GPD1L: variants seen among roughly 807,000 people sequenced by gnomAD.
GPD1L encodes the protein glycerol-3-phosphate dehydrogenase 1-like protein.
GPD1L carries 17 observed loss-of-function variants against 32.9 expected under a neutral mutation model. The observed-to-expected ratio is 0.52, with a 90% CI of 0.35 to 0.78. The LOEUF (loss-of-function observed/expected upper bound fraction) is 0.78. Among genes scored for constraint, GPD1L ranks in the 30% least tolerant of loss-of-function variants. GPD1L has a pLI of 0.01. For synonymous variants in GPD1L, 187 were observed against 165.9 expected (o/e 1.13, Z -0.98); for missense variants, 361 against 447.8 (o/e 0.81, Z 1.75).
At chr3:32,144,271 T>C (rs537317253) in intron 4 of GPD1L, among the ~76,000 whole-genome samples, 4 of 152,284 alleles carry the variant, frequency 2.6e-5, no homozygotes, top group African/African-American at 9.6e-5. Context: ...GCTTCAGGCC[T>C]CAAAATCCTG....
At chr3:32,156,154 G>T (rs1233228690) in intron 5 of GPD1L, among the ~76,000 whole-genome samples, 7 of 152,146 alleles carry the variant, frequency 4.6e-5, no homozygotes, top group African/African-American at 1.4e-4. Flanking sequence ...CACGGCTTCT[G>T]CCTTGCCTCT....
At chr3:32,141,492 T>G (rs946301660) in intron 4 of GPD1L, among the ~76,000 whole-genome samples, 1 of 152,208 alleles carries the variant, frequency 6.6e-6, no homozygotes, top group African/African-American at 2.4e-5. Flanking sequence ...TCTGTTAACA[T>G]ACTGTACATC....
intron 5 of GPD1L, 105 bp downstream of exon 5, chr3:32,146,839 G>C: frequency 1.3e-6 from 1 of 775,570 alleles, no homozygotes; most frequent in Non-Finnish European, 2.3e-6. Context: ...CCACATCAGC[G>C]AAGAATAGTG....
At chr3:32,142,511 T>C (rs961553181) in intron 4 of GPD1L, among the ~76,000 whole-genome samples, 3 of 152,268 alleles carry the variant, frequency 2.0e-5, no homozygotes, top group African/African-American at 7.2e-5. Context: ...TATGTACATA[T>C]ATGAATATGT....
intron 1 of GPD1L, among the ~76,000 whole-genome samples, chr3:32,126,416 T>C (rs1484688759): frequency 6.6e-6 from 1 of 152,162 alleles, no homozygotes; most frequent in African/African-American, 2.4e-5. Context: ...TGTCTCATAG[T>C]CCCTCGTCAG....
intron 1 of GPD1L, among the ~76,000 whole-genome samples, chr3:32,113,123 T>C (rs1193187083): frequency 1.3e-5 from 2 of 151,276 alleles, no homozygotes; most frequent in Admixed American, 1.3e-4. Context: ...GCCTTAAAAA[T>C]CATCTCATTC....
intron 5 of GPD1L, 95 bp downstream of exon 5, chr3:32,146,829 C>G (rs561829568): frequency 2.5e-6 from 2 of 794,446 alleles, no homozygotes; most frequent in Non-Finnish European, 4.5e-6. Context: ...TTCTGTGCAC[C>G]CACATCAGCG....
chr3:32,115,301 G>C (rs763945937), intron 1 of GPD1L, among the ~76,000 whole-genome samples: 29 of 152,084 alleles, frequency 1.9e-4, no homozygotes, highest in Admixed American at 5.9e-4. Context: ...CCAGAGTACT[G>C]ATTGGTGCAT....
At chr3:32,145,203 C>G in intron 4 of GPD1L, among the ~76,000 whole-genome samples, 1 of 151,966 alleles carries the variant, frequency 6.6e-6, no homozygotes, top group Non-Finnish European at 1.5e-5. Context: ...CCTATAGTTG[C>G]AGCTACTCAG....
At chr3:32,146,876 T>G in intron 5 of GPD1L, 142 bp downstream of exon 5, 1 of 704,748 alleles carries the variant, frequency 1.4e-6, no homozygotes, top group Non-Finnish European at 2.6e-6. Flanking sequence ...TATAACTTCC[T>G]GTTTTGCTGC....
At chr3:32,128,348 T>G in intron 2 of GPD1L, 95 bp downstream of exon 2, 1 of 982,546 alleles carries the variant, frequency 1.0e-6, no homozygotes, top group South Asian at 1.3e-5. Context: ...GCTGCTTCCC[T>G]TTTCCCCAGT....
intron 2 of GPD1L, among the ~76,000 whole-genome samples, chr3:32,135,146 G>C (rs1342464858): frequency 6.6e-6 from 1 of 152,200 alleles, no homozygotes; most frequent in Non-Finnish European, 1.5e-5. Flanking sequence ...TGCCCCAAAG[G>C]GGGAAAGGGA....
intron 4 of GPD1L, among the ~76,000 whole-genome samples, chr3:32,146,088 T>C (rs1469437698): frequency 1.8e-4 from 9 of 50,888 alleles, no homozygotes; most frequent in Admixed American, 5.0e-4. Flanking sequence ...TTTTTCTTTT[T>C]TTTTTTTTTT....
intron 1 of GPD1L, among the ~76,000 whole-genome samples, chr3:32,125,996 G>A (rs1243239987): frequency 6.6e-6 from 1 of 152,176 alleles, no homozygotes; most frequent in Non-Finnish European, 1.5e-5. Context: ...GACATGGTCT[G>A]GAGGGCTTAG....
intron 3 of GPD1L, among the ~76,000 whole-genome samples, 186 bp from the exon 4 acceptor site, chr3:32,140,042 C>T (rs964733382): frequency 5.3e-5 from 8 of 152,170 alleles, no homozygotes; most frequent in Non-Finnish European, 1.0e-4. Context: ...TTTCTTAACA[C>T]GAGTGATGAG....
intron 4 of GPD1L, among the ~76,000 whole-genome samples, chr3:32,144,847 A>T (rs1229106835): frequency 1.3e-5 from 2 of 151,332 alleles, no homozygotes; most frequent in Admixed American, 6.6e-5. Context: ...ACACACACAC[A>T]CACACACCAC....
At chr3:32,142,035 A>G (rs1238250763) in intron 4 of GPD1L, among the ~76,000 whole-genome samples, 1 of 152,162 alleles carries the variant, frequency 6.6e-6, no homozygotes, top group Non-Finnish European at 1.5e-5. Context: ...TGTAAGTGAG[A>G]ACATGCAGTA....
chr3:32,152,484 G>A (rs1451438067), intron 5 of GPD1L, among the ~76,000 whole-genome samples: 2 of 152,032 alleles, frequency 1.3e-5, no homozygotes, highest in African/African-American at 2.4e-5. Flanking sequence ...ATGAGGGCAC[G>A]GTCTGTTCCA....
intron 7 of GPD1L, among the ~76,000 whole-genome samples, chr3:32,161,388 G>C (rs1455554376): frequency 1.3e-5 from 2 of 152,174 alleles, no homozygotes; most frequent in African/African-American, 4.8e-5. Flanking sequence ...AAATGCCTCT[G>C]ACATGCATGG....
Sources: allele counts gnomAD v4.1 joint callset (sites outside exome capture counted in the v4.1 genomes callset), GRCh38; gene constraint gnomAD v4.1.1; transcripts MANE v1.5; gene names NCBI Gene and HGNC (gene_info 2026-07-23, HGNC 2026-07-21).